Variants in NAV3 observed in about 807,000 individuals in gnomAD.
NAV3 encodes the protein neuron navigator 3, also known as pore membrane and/or filament interacting like protein 1.
NAV3 carries 87 observed loss-of-function variants against 244.7 expected under a neutral mutation model. The observed-to-expected ratio is 0.36, with a 90% CI of 0.30 to 0.42. NAV3 has a LOEUF of 0.42. NAV3 is among the 20% of genes least tolerant of loss of function. NAV3 has a pLI of 1.00. For missense variants in NAV3, 2,663 were observed against 2,893.3 expected, an observed-to-expected ratio of 0.92 and a Z score of 1.83; for synonymous variants, 1,126 against 1,042.2, an observed-to-expected ratio of 1.08 and a Z score of -1.55.
chr12:77,796,864 A>G (rs534847147), intron 2 of NAV3, among the ~76,000 whole-genome samples: 10 of 152,196 alleles, frequency 6.6e-5, no homozygotes, highest in Non-Finnish European at 1.5e-4. Flanking sequence ...TTTAAATATA[A>G]TGCTATTGAA....
Position 78,116,799 on chromosome 12 carries a change from T to C in NAV3, c.2664T>C (p.Ser888=), listed in dbSNP as rs372787631. The C allele has an allele frequency of 5.6e-6, 9 of 1,605,196 alleles. No individual in the cohort carries two copies. The African/African-American group carries it at 1.1e-4, about 19-fold the overall frequency. ...GGGATGACAGCAGTTCAGTGAGCAG[T>C]GGTCTCAGTGACACCCTTGATAACA... ...DSWDDSSSVS[S]GLSDTLDNIS... The change falls in exon 13 of 40, where the codon AGT becomes AGC. Residue 888 remains serine (S), a synonymous_variant. Transcript: ENST00000397909.
intron 8 of NAV3, 84 bp downstream of exon 8, chr12:78,007,529 T>A: frequency 7.3e-7 from 1 of 1,377,696 alleles, no homozygotes; most frequent in Non-Finnish European, 9.8e-7. Flanking sequence ...GCTGATAAAG[T>A]GGTGCTTTAT....
At chr12:78,180,293 T>G (rs1958444866) in intron 29 of NAV3, among the ~76,000 whole-genome samples, 1 of 152,134 alleles carries the variant, frequency 6.6e-6, no homozygotes, top group Non-Finnish European at 1.5e-5. Flanking sequence ...TAAGAAAAGC[T>G]CATTGCTGAG....
intron 5 of NAV3, among the ~76,000 whole-genome samples, chr12:77,994,534 TTAA>T (rs1445443541): frequency 4.8e-5 from 4 of 83,542 alleles, no homozygotes; most frequent in African/African-American, 1.3e-4. Context: ...TTTTAAAATA[TTAA>T]TAATATTACA....
chr12:77,776,058 T>G (rs1021178371), intron 2 of NAV3, among the ~76,000 whole-genome samples: 9 of 152,158 alleles, frequency 5.9e-5, no homozygotes, highest in African/African-American at 1.9e-4. Flanking sequence ...CCAAGAATTG[T>G]TAAGTATTGG....
At chr12:77,896,227 G>A (rs1884618695) in intron 1 of NAV3, among the ~76,000 whole-genome samples, 1 of 152,044 alleles carries the variant, frequency 6.6e-6, no homozygotes, top group African/African-American at 2.4e-5. Context: ...ACTGTAAGTC[G>A]ATATAGTAAG....
intron 1 of NAV3, among the ~76,000 whole-genome samples, chr12:77,856,640 A>G (rs778119355): frequency 2.0e-4 from 30 of 152,158 alleles, no homozygotes; most frequent in Non-Finnish European, 2.6e-4. Flanking sequence ...AAAATAATAA[A>G]ATAACATTCT....
chr12:78,049,448 C>T (rs910454531), intron 9 of NAV3, among the ~76,000 whole-genome samples: 3 of 152,194 alleles, frequency 2.0e-5, no homozygotes, highest in African/African-American at 7.2e-5. Context: ...CATGACTTCC[C>T]TTGGCTAGGG....
intron 12 of NAV3, among the ~76,000 whole-genome samples, chr12:78,094,883 C>T (rs1442038567): frequency 1.3e-5 from 2 of 151,734 alleles, no homozygotes; most frequent in East Asian, 3.9e-4. Context: ...CCCGTCTCTA[C>T]TAAAAATACA....
intron 1 of NAV3, among the ~76,000 whole-genome samples, chr12:77,871,268 GC>G (rs1483163030): frequency 6.6e-6 from 1 of 151,996 alleles, no homozygotes; most frequent in African/African-American, 2.4e-5. Context: ...GTAAAAGATT[GC>G]TTTTGAAATT....
chr12:77,832,320 G>T (rs1192925678), intron 1 of NAV3, among the ~76,000 whole-genome samples: 1 of 151,990 alleles, frequency 6.6e-6, no homozygotes, highest in Non-Finnish European at 1.5e-5. Context: ...ATGATATTTT[G>T]TGAGTAGTTG....
At chr12:77,890,818 A>T (rs1883847203) in intron 1 of NAV3, among the ~76,000 whole-genome samples, 2 of 152,196 alleles carry the variant, frequency 1.3e-5, no homozygotes, top group Non-Finnish European at 2.9e-5. Flanking sequence ...CTATCTGTAA[A>T]CTCTGCAGGA....
intron 1 of NAV3, among the ~76,000 whole-genome samples, chr12:77,913,433 C>A (rs183218745): frequency 6.6e-5 from 10 of 152,060 alleles, no homozygotes; most frequent in African/African-American, 1.9e-4. Flanking sequence ...ATAAACTAGG[C>A]GTTATTCTTT....
intron 2 of NAV3, among the ~76,000 whole-genome samples, chr12:77,681,610 G>GT (rs955589671): frequency 3.3e-5 from 5 of 152,122 alleles, no homozygotes; most frequent in East Asian, 3.9e-4. Flanking sequence ...ATAATCAACT[G>GT]TTTTTTTCAA....
chr12:78,124,790 A>T (rs953662605), intron 16 of NAV3, among the ~76,000 whole-genome samples: 1 of 152,050 alleles, frequency 6.6e-6, no homozygotes, highest in South Asian at 2.1e-4. Flanking sequence ...GTATTCCTAC[A>T]TTAAAATGGC....
intron 2 of NAV3, among the ~76,000 whole-genome samples, chr12:77,719,039 A>G (rs904721909): frequency 1.3e-5 from 2 of 151,976 alleles, no homozygotes; most frequent in African/African-American, 4.8e-5. Flanking sequence ...TTTCTTCCTT[A>G]GTTAAGTTTA....
At position 78,190,179 on chromosome 12, in the gene NAV3, A is replaced by T; in HGVS notation, c.6251A>T (p.Asp2084Val). ...AAATCTGGAAGGAAAAAAACAGAGG[A>T]TGCAATTGCCACTTTTAATGTGGAC... ...ITKSGRKKTE[D>V]AIATFNVDHK... Residue 2084 changes from aspartate (D) to valine (V), a missense_variant, in exon 34 of 40, where the codon GAT (aspartate) becomes GTT (valine). This residue lies in a region of NAV3 where 543 missense variants were observed against 672.4 expected (regional missense o/e 0.81). Transcript: ENST00000397909. The T allele has an allele frequency of 6.2e-7, 1 of 1,612,692 alleles. No individual in the cohort carries two copies. Among genetic ancestry groups the T allele is most frequent in the Admixed American group, 1.7e-5 (1 of 59,898 alleles).
chr12:77,976,519 CG>C (rs1565979082), intron 5 of NAV3, among the ~76,000 whole-genome samples: 2 of 139,844 alleles, frequency 1.4e-5, no homozygotes, highest in Admixed American at 7.5e-5. Flanking sequence ...GTGCAGAAAG[CG>C]TTCAATGGAG....
Position 78,212,266 on chromosome 12 carries a change from G to A in NAV3, c.*1749G>A, listed in dbSNP as rs1167661083. ...ACCACACACAAAGGACAGGTTTTAA[G>A]TTTATGAAACCCAAGGGCTAGGCCA... On this transcript the variant is annotated 3_prime_UTR_variant, in exon 40 of 40. Transcript: ENST00000397909. 2.0e-5 allele frequency: 3 copies of A among 152,726 alleles called. No homozygotes were observed. Among genetic ancestry groups the A allele is most frequent in the Middle Eastern group, 3.4e-3 (1 of 294 alleles). 9.5% of individuals were successfully genotyped at this position (152,726 alleles called of 1,614,324 possible). A position where few individuals can be genotyped will look rare whatever the true frequency, so the allele number is the denominator to read the frequency against.
Sources: gnomAD v4.1 joint callset for allele counts (sites outside exome capture counted in the v4.1 genomes callset) on GRCh38, gnomAD v4.1.1 for gene constraint, gnomAD v4.1.1 regional missense constraint, MANE v1.5 for transcripts, NCBI Gene and HGNC (gene_info 2026-07-23, HGNC 2026-07-21) for gene names.